Variants in ATP9A observed in about 807,000 individuals in gnomAD.
The protein encoded by ATP9A is ATPase phospholipid transporting 9A, also known as probable phospholipid-transporting ATPase IIA.
ATP9A carries 52 observed loss-of-function variants against 144.1 expected under a neutral mutation model. The observed-to-expected ratio is 0.36, with a 90% confidence interval of 0.29 to 0.45. The LOEUF is 0.45. Among genes scored for constraint, ATP9A ranks in the 20% least tolerant of loss-of-function variants. ATP9A has a pLI of 1.00. For missense variants in ATP9A, 947 were observed against 1,392.7 expected (o/e 0.68, Z 5.09); for synonymous variants, 582 against 557.4 (o/e 1.04, Z -0.62).
intron 1 of ATP9A, among the ~76,000 whole-genome samples, chr20:51,752,501 G>A (rs1031486180): frequency 3.3e-5 from 5 of 152,164 alleles, no homozygotes; most frequent in African/African-American, 1.2e-4. Flanking sequence ...GTGAATAAAC[G>A]GATGAATCAA....
At chr20:51,651,993 T>C (rs189411685) in intron 14 of ATP9A, among the ~76,000 whole-genome samples, 12 of 152,306 alleles carry the variant, frequency 7.9e-5, no homozygotes, top group Non-Finnish European at 1.3e-4. Flanking sequence ...GAATGAGCCA[T>C]GGACAGAGCT....
At chr20:51,622,206 T>C (rs2077229823) in intron 18 of ATP9A, 34 bp from the exon 19 acceptor site, 1 of 1,586,782 alleles carries the variant, frequency 6.3e-7, no homozygotes, top group Non-Finnish European at 8.7e-7. Context: ...TCCTGTTTAT[T>C]AGTTTTTGAG....
intron 18 of ATP9A, among the ~76,000 whole-genome samples, chr20:51,623,385 G>A (rs1342565399): frequency 1.3e-5 from 2 of 152,210 alleles, no homozygotes; most frequent in South Asian, 2.1e-4. Context: ...CAAGACCCCA[G>A]CTCCAGTCCC....
intron 1 of ATP9A, among the ~76,000 whole-genome samples, chr20:51,756,208 C>T (rs183450854): frequency 6.6e-6 from 1 of 151,882 alleles, no homozygotes; most frequent in South Asian, 2.1e-4. Context: ...CCTGAGGCCT[C>T]TCTCCTTGGC....
intron 13 of ATP9A, among the ~76,000 whole-genome samples, chr20:51,661,906 T>C (rs1316205579): frequency 6.6e-6 from 1 of 152,164 alleles, no homozygotes; most frequent in Non-Finnish European, 1.5e-5. Flanking sequence ...AGTCAATAAA[T>C]TTAAATGTAC....
intron 9 of ATP9A, among the ~76,000 whole-genome samples, chr20:51,681,054 C>A (rs965305765): frequency 3.3e-5 from 5 of 152,198 alleles, no homozygotes; most frequent in African/African-American, 1.2e-4. Flanking sequence ...AAATATCTTT[C>A]TTCTTCAAGA....
chr20:51,687,167 C>T (rs1050661252), intron 9 of ATP9A, among the ~76,000 whole-genome samples: 2 of 151,972 alleles, frequency 1.3e-5, no homozygotes, highest in Admixed American at 6.5e-5. Flanking sequence ...AGGATGTGAA[C>T]GTCTGCATGC....
At chr20:51,616,988 C>T (rs1447792131) in intron 22 of ATP9A, among the ~76,000 whole-genome samples, 1 of 147,338 alleles carries the variant, frequency 6.8e-6, no homozygotes, top group African/African-American at 2.5e-5. Flanking sequence ...GTTGCCCAGG[C>T]TGGAGTGCAG....
rs5841858 is a variant in ATP9A at position 51,695,466 on chromosome 20, G to GAAA, written c.547+624_547+626dup. On this transcript the variant is annotated intron_variant, in intron 6 of 27. Coordinates refer to ENST00000338821, the MANE Select transcript of ATP9A (RefSeq NM_006045.3). Reference sequence around the variant, plus strand: ...CGACAGAGCAAGACCCGGTCTCAAGGAAAAAAAAAAAAAAAAAACTAAGGC... The same window carrying GAAA: ...CGACAGAGCAAGACCCGGTCTCAAGGAAAAAAAAAAAAAAAAAAAAACTAAGGC... 6.7e-4 allele frequency among the ~76,000 whole-genome samples: 84 copies of GAAA among 124,968 alleles called. 1 individual carries two copies. The highest frequency in any genetic ancestry group is 1.5e-3 in the Admixed American group (17 of 11,424). 82.0% of individuals were successfully genotyped at this position (124,968 alleles called of 152,430 possible).
intron 3 of ATP9A, among the ~76,000 whole-genome samples, chr20:51,715,240 T>G (rs2077657066): frequency 6.6e-6 from 1 of 152,214 alleles, no homozygotes; most frequent in South Asian, 2.1e-4. Context: ...CTCCTCCCAA[T>G]GCCCATACAT....
chr20:51,633,532 G>A (rs2426328), intron 15 of ATP9A, among the ~76,000 whole-genome samples: 65,728 of 151,938 alleles, frequency 0.43, 15,235 homozygotes, highest in East Asian at 0.68. Flanking sequence ...GACAGCTTGA[G>A]GCCAGAAGTT....
At chr20:51,753,666 C>CTTTT (rs67673002) in intron 1 of ATP9A, among the ~76,000 whole-genome samples, 1 of 137,252 alleles carries the variant, frequency 7.3e-6, no homozygotes, top group Non-Finnish European at 1.6e-5. Flanking sequence ...CTTTTTCTTT[C>CTTTT]TTTTTTTTTT....
At position 51,641,621 on chromosome 20, in the gene ATP9A, C is replaced by G. The variant is rs535913120; in HGVS notation, c.1507-2117G>C. ...CCTGAGGTCAGGAGTTCGAGACCAG[C>G]CTGGCCAACATAGTGAAACCCCATC... On this transcript the variant is annotated intron_variant, in intron 14 of 27. Transcript: ENST00000338821. 1.1e-4 allele frequency among the ~76,000 whole-genome samples: 16 copies of G among 151,272 alleles called. No homozygotes were observed. In the East Asian group the frequency reaches 2.5e-3, roughly 24 times the overall value.
intron 1 of ATP9A, among the ~76,000 whole-genome samples, chr20:51,757,447 C>CT (rs2077861428): frequency 6.6e-6 from 1 of 152,174 alleles, no homozygotes; most frequent in South Asian, 2.1e-4. Flanking sequence ...CGCCAACAGG[C>CT]TTTTCCTTGG....
At chr20:51,644,846 C>T (rs1198963620) in intron 14 of ATP9A, among the ~76,000 whole-genome samples, 1 of 151,880 alleles carries the variant, frequency 6.6e-6, no homozygotes, top group Non-Finnish European at 1.5e-5. Flanking sequence ...CTGTTAATTG[C>T]CCTGAAAATA....
chr20:51,609,566 T>C (rs2077177183), intron 24 of ATP9A, among the ~76,000 whole-genome samples: 1 of 152,120 alleles, frequency 6.6e-6, no homozygotes, highest in Non-Finnish European at 1.5e-5. Flanking sequence ...AGGTCAGTAA[T>C]GGGGGTGGGT....
At chr20:51,690,109 CAAAAAAAAAAA>C (rs796336088) in intron 8 of ATP9A, among the ~76,000 whole-genome samples, 21,570 of 59,366 alleles carry the variant, frequency 0.36, 2,684 homozygotes, top group Non-Finnish European at 0.39. Context: ...GAGACCGTCT[CAAAAAAAAAAA>C]AAAAAAAAAA....
intron 7 of ATP9A, among the ~76,000 whole-genome samples, chr20:51,693,053 G>T (rs1568823503): frequency 6.6e-6 from 1 of 152,132 alleles, no homozygotes; most frequent in Non-Finnish European, 1.5e-5. Flanking sequence ...AGTGGGGCAT[G>T]CCACTCACCA....
At chr20:51,711,051 A>C (rs2077636487) in intron 4 of ATP9A, among the ~76,000 whole-genome samples, 1 of 152,162 alleles carries the variant, frequency 6.6e-6, no homozygotes, top group Non-Finnish European at 1.5e-5. Context: ...ACCACACACA[A>C]AAAAAGCCCT....
Sources: gnomAD v4.1 joint callset for allele counts (sites outside exome capture counted in the v4.1 genomes callset) on GRCh38, gnomAD v4.1.1 for gene constraint, MANE v1.5 for transcripts, NCBI Gene and HGNC (gene_info 2026-07-23, HGNC 2026-07-21) for gene names.